The following GALC variants were observed in gnomAD, a reference collection of about 807,000 sequenced individuals.
GALC encodes galactocerebrosidase.
A neutral mutation model predicts 91.8 loss-of-function variants in GALC; 77 were observed. The observed-to-expected ratio is 0.84, with a 90% confidence interval of 0.70 to 1.01. The LOEUF (loss-of-function observed/expected upper bound fraction) is 1.01. Ranked by LOEUF, GALC falls within the 50% of genes least tolerant of loss-of-function variation. The pLI, the probability that GALC is intolerant of heterozygous loss-of-function variation, is 0.00. For missense variants in GALC, 882 were observed against 855.9 expected (o/e 1.03, Z -0.38); for synonymous variants, 357 against 306.7 (o/e 1.16, Z -1.71).
intron 6 of GALC, among the ~76,000 whole-genome samples, chr14:87,979,652 T>C (rs1372406304): frequency 6.6e-6 from 1 of 152,230 alleles, no homozygotes; most frequent in African/African-American, 2.4e-5. Flanking sequence ...CCGTAATACT[T>C]TTAATGTTTC....
chr14:87,951,713 A>G (rs1403681207), intron 10 of GALC, among the ~76,000 whole-genome samples: 1 of 152,022 alleles, frequency 6.6e-6, no homozygotes, highest in African/African-American at 2.4e-5. Flanking sequence ...AATATTTACA[A>G]ACTATCAAAT....
At chr14:87,989,640 T>C (rs1342855097) in intron 1 of GALC, 1 of 152,308 alleles carries the variant, frequency 6.6e-6, no homozygotes, top group Non-Finnish European at 1.5e-5. Context: ...AAATCCCTCC[T>C]CTACTCTTCA....
rs1885137912 is a variant in GALC at position 87,947,872 on chromosome 14, C to T, written c.1345G>A (p.Asp449Asn). The T allele has an allele frequency of 6.2e-7, 1 of 1,611,926 alleles. No individual in the cohort carries two copies. Among genetic ancestry groups the T allele is most frequent in the Non-Finnish European group, 8.5e-7 (1 of 1,178,644 alleles). Reference protein sequence around the residue: ...FKQLDSLWLLDSDGSFTLSLH... With the variant: ...FKQLDSLWLLNSDGSFTLSLH... Reference sequence around the variant, plus strand: ...CTCAGTGTGAAACTGCCATCGCTGTCAAGGAGCTGAAAAAGAAGACACTAC... The same window carrying T: ...CTCAGTGTGAAACTGCCATCGCTGTTAAGGAGCTGAAAAAGAAGACACTAC... Residue 449 changes from aspartate (D) to asparagine (N), a missense_variant, in exon 13 of 17, where the codon GAC becomes AAC. Transcript: ENST00000261304.
intron 13 of GALC, among the ~76,000 whole-genome samples, chr14:87,947,190 T>A (rs1460294895): frequency 2.0e-5 from 3 of 152,052 alleles, no homozygotes; most frequent in South Asian, 2.1e-4. Context: ...CTAACTTTTT[T>A]CCAAGTGGTT....
chr14:87,943,244 C>G (rs1044848805), intron 14 of GALC, among the ~76,000 whole-genome samples: 1 of 151,978 alleles, frequency 6.6e-6, no homozygotes, highest in Non-Finnish European at 1.5e-5. Flanking sequence ...CATCTGTGTG[C>G]AGGGAAAGGT....
In GALC at chr14:87,992,991, GA is replaced by G. The variant is rs1064795927; in HGVS notation, c.173del (p.Ile58ThrfsTer14). ...TCACCCCGCCGCCGCTGACCGCGCCGATGCCGTCGAACTCCCGGCCCAGCCC... is the reference window on the plus strand; with the variant it reads ...TCACCCCGCCGCCGCTGACCGCGCCGTGCCGTCGAACTCCCGGCCCAGCCC... ...SDGLGREFDG[I>X]GAVSGGGATS... On this transcript the variant is annotated frameshift_variant, in exon 1 of 17. Coordinates refer to ENST00000261304, the MANE Select transcript of GALC (RefSeq NM_000153.4). LOFTEE classifies it high-confidence loss of function. 10 of 1,533,246 alleles carry G rather than the reference GA, an allele frequency of 6.5e-6. No homozygotes were observed. Among genetic ancestry groups the G allele is most frequent in the Non-Finnish European group, 8.7e-6 (10 of 1,148,958 alleles). The allele number at this position is 1,533,246 out of a possible 1,614,324, so 95.0% of individuals were successfully genotyped here.
chr14:87,966,426 T>C (rs1886056171), intron 8 of GALC, among the ~76,000 whole-genome samples: 3 of 151,032 alleles, frequency 2.0e-5, no homozygotes, highest in Non-Finnish European at 4.4e-5. Context: ...CTTGGTATTG[T>C]TGGGTCCCTC....
intron 7 of GALC, among the ~76,000 whole-genome samples, chr14:87,969,298 C>CA (rs1288533895): frequency 1.3e-5 from 2 of 152,010 alleles, no homozygotes; most frequent in African/African-American, 4.8e-5. Flanking sequence ...ACCCCTACAA[C>CA]AAAAAAATTA....
intron 6 of GALC, chr14:87,980,391 A>G: frequency 1.8e-6 from 1 of 555,044 alleles, no homozygotes; most frequent in Non-Finnish European, 2.3e-6. Flanking sequence ...AAAAAAAAAA[A>G]AAAGCCATTA....
upstream of GALC, chr14:87,993,494 C>T (rs1446143795): frequency 2.0e-6 from 3 of 1,534,616 alleles, no homozygotes; most frequent in Non-Finnish European, 2.6e-6. Flanking sequence ...GGCTCTTCCC[C>T]AGCATCTCAG....
chr14:87,976,786 TG>T (rs1430128350), intron 6 of GALC: 1 of 355,432 alleles, frequency 2.8e-6, no homozygotes. Flanking sequence ...GGCTAATTTT[TG>T]TATTTTTTAG....
At chr14:87,965,874 T>C (rs1886030851) in intron 8 of GALC, among the ~76,000 whole-genome samples, 1 of 152,196 alleles carries the variant, frequency 6.6e-6, no homozygotes, top group Non-Finnish European at 1.5e-5. Flanking sequence ...ATGTATTATG[T>C]GCAAATTTTT....
intron 8 of GALC, among the ~76,000 whole-genome samples, chr14:87,966,644 G>GAT (rs1398483281): frequency 1.4e-4 from 22 of 152,168 alleles, no homozygotes; most frequent in Non-Finnish European, 2.9e-5. Flanking sequence ...TGGTTTGCAA[G>GAT]ATGTGTGGTA....
Position 87,934,361 on chromosome 14 carries a change from A to G in GALC, c.*371T>C. ...CGGTCAGCATGCATAAATACATCTC[A>G]GTGATGATCAAGTTACTGCCATCTA... is the stretch of plus-strand genomic sequence containing the variant. On this transcript the variant is annotated 3_prime_UTR_variant, in exon 17 of 17. Transcript: ENST00000261304. 1 of 1,264,022 alleles carries G rather than the reference A, an allele frequency of 7.9e-7. No individual in the cohort carries two copies. The highest frequency in any genetic ancestry group is 1.0e-6 in the Non-Finnish European group (1 of 994,640). The allele number at this position is 1,264,022 out of a possible 1,614,324, so 78.3% of individuals were successfully genotyped here. A position where few individuals can be genotyped will look rare whatever the true frequency, so the allele number is the denominator to read the frequency against.
chr14:87,983,172 T>C (rs1409944286), intron 5 of GALC, among the ~76,000 whole-genome samples: 1 of 151,774 alleles, frequency 6.6e-6, no homozygotes, highest in Non-Finnish European at 1.5e-5. Flanking sequence ...ACCCCGTCTC[T>C]AATAAAAAGA....
At chr14:87,976,136 T>C (rs529596343) in intron 7 of GALC, among the ~76,000 whole-genome samples, 42 of 152,316 alleles carry the variant, frequency 2.8e-4, no homozygotes, top group Non-Finnish European at 3.2e-4. Flanking sequence ...AACATCAACA[T>C]GCTTTTTAAA....
At chr14:87,935,811 C>G (rs1884545425) in intron 16 of GALC, among the ~76,000 whole-genome samples, 1 of 151,946 alleles carries the variant, frequency 6.6e-6, no homozygotes, top group African/African-American at 2.4e-5. Flanking sequence ...TAATTTAGTT[C>G]TTTTATTTTA....
chr14:87,966,515 C>T (rs1324390864), intron 8 of GALC, among the ~76,000 whole-genome samples: 1 of 152,098 alleles, frequency 6.6e-6, no homozygotes, highest in Non-Finnish European at 1.5e-5. Context: ...AAAAAAGAGA[C>T]TGACATTCTT....
At chr14:87,952,057 G>A (rs1467919873) in intron 10 of GALC, among the ~76,000 whole-genome samples, 3 of 150,404 alleles carry the variant, frequency 2.0e-5, no homozygotes, top group Non-Finnish European at 3.0e-5. Flanking sequence ...AAAAACTGTG[G>A]AAATAAAATT....
Sources: allele counts gnomAD v4.1 joint callset (sites outside exome capture counted in the v4.1 genomes callset), GRCh38; gene constraint gnomAD v4.1.1; transcripts MANE v1.5; gene names NCBI Gene and HGNC (gene_info 2026-07-23, HGNC 2026-07-21).